Variants in MKLN1 observed in about 807,000 individuals in gnomAD.
The protein encoded by MKLN1 is muskelin 1, also known as muskelin.
In MKLN1, 18 loss-of-function variants were observed where a neutral mutation model predicts 99.0. The observed-to-expected ratio is 0.18, with a 90% confidence interval of 0.13 to 0.27. The LOEUF (loss-of-function observed/expected upper bound fraction) is 0.27. MKLN1 is among the 10% of genes least tolerant of loss of function. The probability of loss-of-function intolerance (pLI) is 1.00; values close to 1 mark genes in which losing one functional copy is unlikely to be tolerated. For synonymous variants in MKLN1, 288 were observed against 293.2 expected (o/e 0.98, Z 0.18); for missense variants, 621 against 875.9 (o/e 0.71, Z 3.67).
At chr7:131,266,548 A>G (rs1171406032) in intron 3 of MKLN1, among the ~76,000 whole-genome samples, 1 of 152,144 alleles carries the variant, frequency 6.6e-6, no homozygotes, top group African/African-American at 2.4e-5. Flanking sequence ...CACTGAGAGA[A>G]GAGGTTGGGA....
chr7:131,252,514 A>G lies in MKLN1; in HGVS notation c.-179+49540A>G. ...CGGCTAATTTTTTTGTATTTTTAGT[A>G]GAGACGGGGTTCCATCATGTTAGCC... On this transcript the variant is annotated intron_variant, in intron 3 of 7. Coordinates refer to the MKLN1 transcript ENST00000416992. 1.3e-5 allele frequency among the ~76,000 whole-genome samples: 2 copies of G among 151,946 alleles called. 1 individual carries two copies. Among genetic ancestry groups the G allele is most frequent in the Non-Finnish European group, 2.9e-5 (2 of 67,962 alleles).
intron 2 of MKLN1, among the ~76,000 whole-genome samples, chr7:131,155,496 C>G (rs1795949503): frequency 1.3e-5 from 2 of 151,982 alleles, no homozygotes; most frequent in Admixed American, 1.3e-4. Flanking sequence ...CTTTGAAATT[C>G]CTGGGATTTT....
At chr7:131,452,544 CTTTTTTT>C (rs1159344518) in intron 12 of MKLN1, among the ~76,000 whole-genome samples, 11 of 70,362 alleles carry the variant, frequency 1.6e-4, no homozygotes, top group South Asian at 6.0e-4. Context: ...TCCTTTTATA[CTTTTTTT>C]TTTTTTTTTT....
At chr7:131,397,096 A>G (rs1299056213) in intron 4 of MKLN1, among the ~76,000 whole-genome samples, 171 bp from the exon 5 acceptor site, 1 of 152,214 alleles carries the variant, frequency 6.6e-6, no homozygotes, top group East Asian at 1.9e-4. Flanking sequence ...GGCATGGGTC[A>G]TCTGTTTCGT....
intron 1 of MKLN1, among the ~76,000 whole-genome samples, chr7:131,339,786 G>T (rs1799353116): frequency 6.6e-6 from 1 of 151,816 alleles, no homozygotes; most frequent in Non-Finnish European, 1.5e-5. Flanking sequence ...TTACCTTTTT[G>T]TTAGGACTTT....
intron 12 of MKLN1, among the ~76,000 whole-genome samples, chr7:131,446,323 C>T (rs1287205233): frequency 1.3e-5 from 2 of 152,110 alleles, no homozygotes; most frequent in Non-Finnish European, 2.9e-5. Flanking sequence ...TTTAAAAGCT[C>T]AGCATCTAGG....
chr7:131,222,630 G>C (rs2116455488), intron 3 of MKLN1, among the ~76,000 whole-genome samples: 1 of 152,194 alleles, frequency 6.6e-6, no homozygotes, highest in Admixed American at 6.5e-5. Flanking sequence ...GTGTTCACAG[G>C]CTTAATTCTG....
At chr7:131,239,430 C>T (rs1274494408) in intron 3 of MKLN1, among the ~76,000 whole-genome samples, 5 of 151,946 alleles carry the variant, frequency 3.3e-5, no homozygotes, top group Admixed American at 1.3e-4. Context: ...AGTGATCCTT[C>T]CACCTCAGCC....
At chr7:131,166,211 T>A (rs1796122120) in intron 2 of MKLN1, among the ~76,000 whole-genome samples, 1 of 151,974 alleles carries the variant, frequency 6.6e-6, no homozygotes, top group South Asian at 2.1e-4. Context: ...TTGGCGACAA[T>A]TGGTTTTGGG....
chr7:131,165,333 G>A (rs1182496217), intron 2 of MKLN1, among the ~76,000 whole-genome samples: 2 of 152,154 alleles, frequency 1.3e-5, no homozygotes, highest in East Asian at 1.9e-4. Flanking sequence ...TTACAGGCAC[G>A]CGATACCATG....
intron 3 of MKLN1, among the ~76,000 whole-genome samples, chr7:131,223,026 C>G (rs1797084353): frequency 6.6e-6 from 1 of 152,110 alleles, no homozygotes; most frequent in Admixed American, 6.5e-5. Context: ...CAGAGCAAGA[C>G]TCTGTCTCAG....
intron 3 of MKLN1, among the ~76,000 whole-genome samples, chr7:131,209,132 G>T (rs372368718): frequency 6.6e-6 from 1 of 152,308 alleles, no homozygotes. Context: ...GAGAAAGAGA[G>T]AGAGGGCCTA....
chr7:131,356,253 G>A (rs1799874979), intron 1 of MKLN1, among the ~76,000 whole-genome samples: 1 of 151,960 alleles, frequency 6.6e-6, no homozygotes, highest in Non-Finnish European at 1.5e-5. Flanking sequence ...AGCTGCTGAT[G>A]AGTTTCAGGT....
chr7:131,470,829 G>T lies in MKLN1; in HGVS notation c.1929-13G>T, dbSNP rs1733861. The T allele has an allele frequency of 0.53, 792,242 of 1,504,018 alleles. 212,437 individuals carry two copies. Among genetic ancestry groups the T allele is most frequent in the African/African-American group, 0.64 (46,394 of 72,538 alleles). 93.2% of individuals were successfully genotyped at this position (1,504,018 alleles called of 1,614,324 possible). Reference sequence around the variant, plus strand: ...CATAACTCCAGATAATTATCCTTGTGTACATTTTCTAGGTTTGAAGAAAAG... The same window carrying T: ...CATAACTCCAGATAATTATCCTTGTTTACATTTTCTAGGTTTGAAGAAAAG... On this transcript the variant is annotated splice_polypyrimidine_tract_variant and intron_variant, in intron 15 of 17. Coordinates refer to ENST00000352689, the MANE Select transcript of MKLN1 (RefSeq NM_013255.5).
chr7:131,286,016 C>T (rs947988561), intron 3 of MKLN1, among the ~76,000 whole-genome samples: 8 of 148,996 alleles, frequency 5.4e-5, no homozygotes, highest in African/African-American at 2.0e-4. Flanking sequence ...AGTGCAGTGG[C>T]GCCGTCTCAC....
chr7:131,438,070 G>A (rs1310874240), intron 10 of MKLN1, 73 bp downstream of exon 10: 2 of 1,191,224 alleles, frequency 1.7e-6, no homozygotes, highest in Non-Finnish European at 2.5e-6. Flanking sequence ...GTTTATGTTA[G>A]ATGTTATGCT....
intron 2 of MKLN1, among the ~76,000 whole-genome samples, chr7:131,192,247 A>T (rs1299674637): frequency 4.0e-4 from 36 of 89,796 alleles, no homozygotes; most frequent in African/African-American, 1.8e-3. Context: ...AAATATATAA[A>T]ATATAATATA....
At chr7:131,482,184 C>CTATT (rs146908713) in intron 17 of MKLN1, among the ~76,000 whole-genome samples, 5,664 of 152,104 alleles carry the variant, frequency 0.037, 141 homozygotes, top group Middle Eastern at 0.095. Flanking sequence ...AGCATGTTGC[C>CTATT]TATTTATTTA....
chr7:131,191,604 T>G (rs910465814), intron 2 of MKLN1, among the ~76,000 whole-genome samples: 2 of 152,192 alleles, frequency 1.3e-5, no homozygotes, highest in African/African-American at 4.8e-5. Context: ...CTTGCCTTCG[T>G]GTTACCAATT....
Sources: allele counts gnomAD v4.1 joint callset (sites outside exome capture counted in the v4.1 genomes callset), GRCh38; gene constraint gnomAD v4.1.1; transcripts MANE v1.5; gene names NCBI Gene and HGNC (gene_info 2026-07-23, HGNC 2026-07-21).